The following BRD4 variants were observed in gnomAD, a reference collection of about 807,000 sequenced individuals.
BRD4 encodes the protein bromodomain-containing protein 4.
BRD4 carries 16 observed loss-of-function variants against 142.1 expected under a neutral mutation model. The ratio of observed to expected loss-of-function variants is 0.11; its 90% CI spans 0.08 to 0.17. The LOEUF is 0.17. BRD4 is among the 10% of genes least tolerant of loss of function. The probability of loss-of-function intolerance (pLI) is 1.00; values close to 1 mark genes in which losing one functional copy is unlikely to be tolerated. For synonymous variants in BRD4, 833 were observed against 707.5 expected (o/e 1.18, Z -2.82); for missense variants, 1,424 against 1,810.9 (o/e 0.79, Z 3.88).
intron 4 of BRD4, among the ~76,000 whole-genome samples, chr19:15,266,585 G>A (rs1433819159): frequency 2.0e-5 from 3 of 152,174 alleles, no homozygotes; most frequent in Non-Finnish European, 4.4e-5. Context: ...ACTTACATGA[G>A]GATCAGGAAT....
At chr19:15,305,153 G>A (rs980786881) in intron 1 of BRD4, among the ~76,000 whole-genome samples, 2 of 151,752 alleles carry the variant, frequency 1.3e-5, no homozygotes, top group South Asian at 4.2e-4. Flanking sequence ...CGAGTAGCTG[G>A]GATTTCTCCC....
At chr19:15,275,544 G>GT (rs2047637246) in intron 1 of BRD4, 2 of 152,342 alleles carry the variant, frequency 1.3e-5, no homozygotes, top group Admixed American at 6.5e-5. Flanking sequence ...ACAGATGGTC[G>GT]TGACACAGTG....
At chr19:15,296,408 T>G (rs1393835058) in intron 1 of BRD4, among the ~76,000 whole-genome samples, 2 of 152,204 alleles carry the variant, frequency 1.3e-5, no homozygotes, top group African/African-American at 4.8e-5. Flanking sequence ...TTTGTTCCCC[T>G]TCTTCCAAGT....
intron 2 of BRD4, among the ~76,000 whole-genome samples, chr19:15,270,913 G>A (rs916469433): frequency 1.3e-5 from 2 of 152,088 alleles, no homozygotes; most frequent in African/African-American, 4.8e-5. Context: ...TCAGATCAGG[G>A]CCACCATGGA....
intron 1 of BRD4, among the ~76,000 whole-genome samples, chr19:15,294,037 A>C (rs753853047): frequency 6.6e-5 from 10 of 152,208 alleles, no homozygotes; most frequent in Non-Finnish European, 1.5e-4. Flanking sequence ...CCAAAACGCT[A>C]AGTGTCTTTT....
At chr19:15,303,256 T>C (rs2047886801) in intron 1 of BRD4, among the ~76,000 whole-genome samples, 2 of 152,324 alleles carry the variant, frequency 1.3e-5, no homozygotes, top group South Asian at 2.1e-4. Flanking sequence ...GTACAGACAG[T>C]TAATCTTGAG....
intron 1 of BRD4, among the ~76,000 whole-genome samples, chr19:15,325,532 A>G (rs1392748779): frequency 1.3e-5 from 2 of 152,192 alleles, no homozygotes; most frequent in Admixed American, 6.6e-5. Context: ...ATTAAAAAAG[A>G]CACATTTTGT....
At chr19:15,283,127 T>C (rs986811049) in intron 1 of BRD4, among the ~76,000 whole-genome samples, 6 of 152,128 alleles carry the variant, frequency 3.9e-5, no homozygotes, top group African/African-American at 1.4e-4. Context: ...TTTGCTCTGC[T>C]TAAGAGGGGT....
intron 1 of BRD4, among the ~76,000 whole-genome samples, chr19:15,292,059 T>C (rs563284906): frequency 6.6e-6 from 1 of 152,330 alleles, no homozygotes; most frequent in South Asian, 2.1e-4. Flanking sequence ...AAATAAACTG[T>C]AAGCAGTGCT....
intron 11 of BRD4, chr19:15,253,484 G>C (rs200811521): frequency 1.4e-6 from 2 of 1,437,912 alleles, no homozygotes; most frequent in Non-Finnish European, 1.9e-6. Flanking sequence ...CACGGGGCTT[G>C]AAAAGAAGGG....
chr19:15,251,186 T>TC (rs1315147002), intron 11 of BRD4, among the ~76,000 whole-genome samples: 1 of 151,878 alleles, frequency 6.6e-6, no homozygotes. Flanking sequence ...GTTCCGTTGC[T>TC]CCCTGAACTA....
At chr19:15,303,992 G>A (rs2047892909) in intron 1 of BRD4, among the ~76,000 whole-genome samples, 1 of 152,092 alleles carries the variant, frequency 6.6e-6, no homozygotes, top group African/African-American at 2.4e-5. Flanking sequence ...TCTCACATTT[G>A]ACCACCAAGG....
intron 7 of BRD4, among the ~76,000 whole-genome samples, chr19:15,261,099 AGAGAGTGG>A (rs1423217086): frequency 5.3e-5 from 8 of 152,238 alleles, no homozygotes; most frequent in Non-Finnish European, 8.8e-5. Context: ...TGTCTTCTCA[AGAGAGTGG>A]GAGAGAGGGA....
Position 15,297,413 on chromosome 19 carries a change from G to A in BRD4, c.-34-24280C>T, listed in dbSNP as rs563544708. On this transcript the variant is annotated intron_variant, in intron 1 of 19. Coordinates refer to ENST00000679869, the MANE Select transcript of BRD4 (RefSeq NM_001379291.1). ...CTTCCTGAATAAACAACGTACACAC[G>A]ATACAGAGAAGCACTGAGCCACTGC... is the stretch of plus-strand genomic sequence containing the variant. Among the ~76,000 whole-genome samples the A allele has an allele frequency of 5.3e-5, 8 of 152,226 alleles. No homozygotes were observed. The South Asian group carries it at 1.5e-3, about 28-fold the overall frequency.
At position 15,257,072 on chromosome 19, in the gene BRD4, G is replaced by A; in HGVS notation, c.1443C>T (p.Ala481=). ...TGCTGCTGTCGCTGGATGAGGGCGG[G>A]GCCACAACCTTGGTGGGAGGGGGCA... is the stretch of plus-strand genomic sequence containing the variant. ...PAVPPPTKVV[A]PPSSSDSSSD... is the part of the protein sequence containing the mutation. The change falls in exon 8 of 20, where the codon GCC becomes GCT. Residue 481 remains alanine (A), a synonymous_variant. Coordinates refer to ENST00000679869, the MANE Select transcript of BRD4 (RefSeq NM_001379291.1). 1.9e-6 allele frequency: 3 copies of A among 1,605,742 alleles called. No individual in the cohort carries two copies. The highest frequency in any genetic ancestry group is 2.5e-6 in the Non-Finnish European group (3 of 1,178,064).
chr19:15,315,013 T>C (rs965176660), intron 1 of BRD4, among the ~76,000 whole-genome samples: 1 of 152,020 alleles, frequency 6.6e-6, no homozygotes, highest in African/African-American at 2.4e-5. Flanking sequence ...GGTCTTATCC[T>C]ATATGCAGTG....
intron 11 of BRD4, chr19:15,247,686 T>C (rs1021254125): frequency 4.3e-6 from 1 of 232,870 alleles, no homozygotes; most frequent in East Asian, 6.0e-5. Flanking sequence ...AATTGTCCTG[T>C]GGGAATCTGG....
At chr19:15,289,209 C>A (rs1008842307) in intron 1 of BRD4, among the ~76,000 whole-genome samples, 1 of 152,216 alleles carries the variant, frequency 6.6e-6, no homozygotes, top group Non-Finnish European at 1.5e-5. Context: ...GTTTCTCCCA[C>A]GACCTTTCCA....
chr19:15,276,763 G>A (rs572287222), intron 1 of BRD4, among the ~76,000 whole-genome samples: 46 of 152,264 alleles, frequency 3.0e-4, no homozygotes, highest in East Asian at 7.7e-4. Flanking sequence ...TCAGTCACTC[G>A]CTCAGGCAAC....
Sources: gnomAD v4.1 joint callset for allele counts (sites outside exome capture counted in the v4.1 genomes callset) on GRCh38, gnomAD v4.1.1 for gene constraint, MANE v1.5 for transcripts, NCBI Gene and HGNC (gene_info 2026-07-23, HGNC 2026-07-21) for gene names.